Variants in CYRIA observed in about 807,000 individuals in gnomAD.
CYRIA encodes CYFIP related Rac1 interactor A.
Under a neutral mutation model 43.9 loss-of-function variants are expected in CYRIA, and 15 were observed. The observed-to-expected ratio is 0.34, with a 90% CI of 0.23 to 0.53. CYRIA has a LOEUF of 0.53. Ranked by LOEUF, CYRIA falls within the 20% of genes least tolerant of loss-of-function variation. The pLI, the probability that CYRIA is intolerant of heterozygous loss-of-function variation, is 0.94. For synonymous variants in CYRIA, 117 were observed against 136.0 expected, an observed-to-expected ratio of 0.86 and a Z score of 0.97; for missense variants, 236 against 394.2, an observed-to-expected ratio of 0.60 and a Z score of 3.40.
chr2:16,568,227 GAAAAAA>G (rs71400699), intron 3 of CYRIA, among the ~76,000 whole-genome samples: 6 of 88,728 alleles, frequency 6.8e-5, no homozygotes, highest in African/African-American at 2.3e-4. Context: ...TTCAAAATCA[GAAAAAA>G]AAAAAAAAAA....
Position 16,641,409 on chromosome 2 carries a change from T to C in CYRIA, c.-166-17390A>G, listed in dbSNP as rs191038124. Among the ~76,000 whole-genome samples the C allele has an allele frequency of 1.0e-3, 156 of 152,282 alleles. 1 individual carries two copies. Among genetic ancestry groups the C allele is most frequent in the African/African-American group, 3.6e-3 (149 of 41,548 alleles). ...TGCCCCTTTTTCTAAAATATTCTTC[T>C]TTCTCCTCCATTTGTTTAATTCTAA... On this transcript the variant is annotated intron_variant, in intron 1 of 11. Transcript: ENST00000381323.
intron 3 of CYRIA, among the ~76,000 whole-genome samples, chr2:16,570,868 T>C (rs1572466412): frequency 1.3e-5 from 2 of 152,182 alleles, no homozygotes; most frequent in South Asian, 4.1e-4. Flanking sequence ...CTAAGAACCA[T>C]ATTCTAAGCT....
At chr2:16,627,649 C>A (rs143073928) in intron 1 of CYRIA, among the ~76,000 whole-genome samples, 15 of 152,072 alleles carry the variant, frequency 9.9e-5, no homozygotes, top group African/African-American at 3.4e-4. Flanking sequence ...TTCTGCAAAG[C>A]CAAATAGTGG....
intron 1 of CYRIA, among the ~76,000 whole-genome samples, chr2:16,639,211 T>A (rs1669600547): frequency 1.3e-5 from 2 of 152,260 alleles, no homozygotes; most frequent in Non-Finnish European, 2.9e-5. Context: ...GCTAACTTTC[T>A]GATCCATCCA....
chr2:16,561,648 A>G (rs779861560), intron 6 of CYRIA, 115 bp from the exon 7 acceptor site: 4 of 799,448 alleles, frequency 5.0e-6, no homozygotes, highest in Non-Finnish European at 6.1e-6. Context: ...TCTTTGTTAC[A>G]TAAGAGTCAA....
intron 3 of CYRIA, among the ~76,000 whole-genome samples, chr2:16,572,780 G>A (rs1269593333): frequency 6.6e-6 from 1 of 152,096 alleles, no homozygotes; most frequent in African/African-American, 2.4e-5. Context: ...TAATTAATGT[G>A]AGTTTGTCTT....
At chr2:16,589,899 G>C (rs576882277) in intron 2 of CYRIA, among the ~76,000 whole-genome samples, 66 of 152,178 alleles carry the variant, frequency 4.3e-4, no homozygotes, top group Non-Finnish European at 6.9e-4. Flanking sequence ...TAAGTCACTT[G>C]CCTAGTGAAA....
intron 2 of CYRIA, among the ~76,000 whole-genome samples, chr2:16,600,731 T>C (rs930182651): frequency 6.6e-6 from 1 of 152,224 alleles, no homozygotes; most frequent in African/African-American, 2.4e-5. Context: ...CAGCATTTTA[T>C]TGAGTGCCCA....
chr2:16,616,256 C>T (rs1415538642), intron 2 of CYRIA, among the ~76,000 whole-genome samples: 1 of 152,206 alleles, frequency 6.6e-6, no homozygotes, highest in Non-Finnish European at 1.5e-5. Flanking sequence ...CTCCTGGGGC[C>T]TGCAGGCATT....
intron 1 of CYRIA, among the ~76,000 whole-genome samples, chr2:16,626,993 G>A (rs552411376): frequency 1.3e-5 from 2 of 151,888 alleles, no homozygotes; most frequent in Non-Finnish European, 2.9e-5. Flanking sequence ...AAATGGAGAA[G>A]CCGAAATCAG....
At chr2:16,561,849 G>A (rs567257373) in intron 6 of CYRIA, among the ~76,000 whole-genome samples, 156 bp downstream of exon 6, 1 of 152,180 alleles carries the variant, frequency 6.6e-6, no homozygotes, top group African/African-American at 2.4e-5. Flanking sequence ...TTACCACATG[G>A]AATGCAAATT....
rs183931401 is a variant in CYRIA at position 16,663,247 on chromosome 2, G to A, written c.-167+2533C>T. Among the ~76,000 whole-genome samples the A allele has an allele frequency of 8.5e-5, 13 of 152,296 alleles. No homozygotes were observed. The East Asian group carries it at 1.2e-3, about 14-fold the overall frequency. Reference sequence around the variant, plus strand: ...CATCCTAAAAGAACAAGAAAATGTGGCCAGTAGGATAGATGCTGTCAACCC... The same window carrying A: ...CATCCTAAAAGAACAAGAAAATGTGACCAGTAGGATAGATGCTGTCAACCC... On this transcript the variant is annotated intron_variant, in intron 1 of 11. Transcript: ENST00000381323.
intron 11 of CYRIA, 90 bp from the exon 12 acceptor site, chr2:16,553,089 T>C: frequency 1.2e-6 from 1 of 817,712 alleles, no homozygotes; most frequent in South Asian, 1.4e-5. Flanking sequence ...ACAATTGATA[T>C]TTGGGCTTAT....
At chr2:16,622,004 C>T (rs1393733005) in intron 2 of CYRIA, among the ~76,000 whole-genome samples, 4 of 152,122 alleles carry the variant, frequency 2.6e-5, no homozygotes, top group Admixed American at 2.6e-4. Context: ...GGTTCATGTT[C>T]CATGAACATC....
chr2:16,582,567 C>T (rs1572478632), intron 3 of CYRIA, among the ~76,000 whole-genome samples: 2 of 152,144 alleles, frequency 1.3e-5, no homozygotes, highest in South Asian at 2.1e-4. Flanking sequence ...CTTTCTGTCT[C>T]GACAAATTTG....
intron 1 of CYRIA, among the ~76,000 whole-genome samples, chr2:16,652,074 C>A (rs1346146373): frequency 6.6e-6 from 1 of 152,224 alleles, no homozygotes; most frequent in Non-Finnish European, 1.5e-5. Context: ...CTTCCCTCCC[C>A]AGCTCTCGTT....
rs376885960 is a variant in CYRIA, at chr2:16,561,253, T to G, written c.538A>C (p.Asn180His). 3.0e-4 allele frequency: 476 copies of G among 1,613,056 alleles called. No homozygotes were observed. Among genetic ancestry groups the G allele is most frequent in the Non-Finnish European group, 3.9e-4 (464 of 1,179,224 alleles). ...MHLDIENEVN[N>H]EMANRMSLFY... ...AGGGACATTCGATTGGCCATCTCAT[T>G]ATTGACTTCATTCTCAATGTCTAGC... Residue 180 changes from asparagine to histidine, a missense_variant, in exon 8 of 12, where the codon AAT becomes CAT. Around this residue, in one of 3 missense-constraint regions of CYRIA, gnomAD observed 193 missense variants for 303.9 expected, o/e 0.64. Transcript: ENST00000381323.
At chr2:16,621,174 T>C (rs1274829515) in intron 2 of CYRIA, among the ~76,000 whole-genome samples, 2 of 152,190 alleles carry the variant, frequency 1.3e-5, no homozygotes, top group African/African-American at 4.8e-5. Context: ...ATCTGCTGAA[T>C]GAATGATCCT....
chr2:16,563,055 C>G (rs1301705403), intron 5 of CYRIA, among the ~76,000 whole-genome samples: 1 of 152,148 alleles, frequency 6.6e-6, no homozygotes, highest in African/African-American at 2.4e-5. Context: ...ATATTTCCAT[C>G]TGTAAGAACA....
Sources: allele counts gnomAD v4.1 joint callset (sites outside exome capture counted in the v4.1 genomes callset), GRCh38; gene constraint gnomAD v4.1.1; regional missense constraint gnomAD v4.1.1; transcripts MANE v1.5; gene names NCBI Gene and HGNC (gene_info 2026-07-23, HGNC 2026-07-21).